The following THSD7B variants were observed in gnomAD, a reference collection of about 807,000 sequenced individuals.
The protein encoded by THSD7B is thrombospondin type-1 domain-containing protein 7B.
In THSD7B, 138 loss-of-function variants were observed where a neutral mutation model predicts 213.6. The observed-to-expected ratio is 0.65, with a 90% CI of 0.56 to 0.74. The LOEUF (loss-of-function observed/expected upper bound fraction) is 0.74. Among genes scored for constraint, THSD7B ranks in the 30% least tolerant of loss-of-function variants. The pLI, the probability that THSD7B is intolerant of heterozygous loss-of-function variation, is 0.00. For synonymous variants in THSD7B, 742 were observed against 687.0 expected (o/e 1.08, Z -1.25); for missense variants, 1,931 against 1,991.5 (o/e 0.97, Z 0.58).
chr2:137,066,338 TG>T (rs1244673812), intron 3 of THSD7B, among the ~76,000 whole-genome samples: 2 of 151,836 alleles, frequency 1.3e-5, no homozygotes, highest in African/African-American at 4.8e-5. Flanking sequence ...ACTATAGTCA[TG>T]TGCCACCACG....
chr2:136,798,333 G>A (rs1282730767), intron 1 of THSD7B, among the ~76,000 whole-genome samples: 1 of 151,852 alleles, frequency 6.6e-6, no homozygotes, highest in Non-Finnish European at 1.5e-5. Context: ...ACAATTCCTT[G>A]AAAACTTTGT....
chr2:137,290,428 G>C (rs752710979), intron 12 of THSD7B, among the ~76,000 whole-genome samples: 1 of 152,060 alleles, frequency 6.6e-6, no homozygotes, highest in Non-Finnish European at 1.5e-5. Flanking sequence ...CTCTACTCCT[G>C]TTTTGCAGTT....
At chr2:137,587,563 C>T (rs1355325496) in intron 17 of THSD7B, among the ~76,000 whole-genome samples, 1 of 152,200 alleles carries the variant, frequency 6.6e-6, no homozygotes, top group Non-Finnish European at 1.5e-5. Context: ...CATTCAGGAT[C>T]CTCAACTGCA....
intron 2 of THSD7B, among the ~76,000 whole-genome samples, chr2:136,893,706 G>A (rs1341979309): frequency 6.6e-6 from 1 of 152,028 alleles, no homozygotes; most frequent in East Asian, 1.9e-4. Flanking sequence ...TGTACCTTAT[G>A]GATTTACCCT....
intron 2 of THSD7B, among the ~76,000 whole-genome samples, chr2:137,047,001 C>T (rs1478118474): frequency 6.6e-6 from 1 of 152,088 alleles, no homozygotes; most frequent in Non-Finnish European, 1.5e-5. Flanking sequence ...AAATGATATA[C>T]AGATGACATG....
intron 15 of THSD7B, among the ~76,000 whole-genome samples, chr2:137,490,096 A>G (rs1688571947): frequency 6.6e-6 from 1 of 152,246 alleles, no homozygotes; most frequent in South Asian, 2.1e-4. Flanking sequence ...AGGGATGATG[A>G]TATAAACTGT....
chr2:137,071,198 G>T (rs900360821), intron 3 of THSD7B, among the ~76,000 whole-genome samples: 4 of 152,072 alleles, frequency 2.6e-5, no homozygotes, highest in Non-Finnish European at 5.9e-5. Context: ...AAGTATTCCT[G>T]TTTCTCCACA....
intron 2 of THSD7B, among the ~76,000 whole-genome samples, chr2:136,912,797 G>A (rs930708612): frequency 6.6e-6 from 1 of 152,104 alleles, no homozygotes; most frequent in African/African-American, 2.4e-5. Context: ...TGATTCTGAG[G>A]CCTCCCCAGT....
chr2:137,582,045 G>A (rs1446391193), intron 17 of THSD7B, among the ~76,000 whole-genome samples: 1 of 151,930 alleles, frequency 6.6e-6, no homozygotes, highest in African/African-American at 2.4e-5. Context: ...GCAGGAGGTT[G>A]CAGTGAGCTA....
Position 137,655,538 on chromosome 2 carries a change from T to C in THSD7B, c.3983T>C (p.Leu1328Pro). 6.2e-7 allele frequency: 1 copy of C among 1,612,534 alleles called. No homozygotes were observed. The highest frequency in any genetic ancestry group is 1.3e-5 in the African/African-American group (1 of 75,008). The part of the protein sequence containing the change: ...DCGEGVQIRS[L>P]SCMVHSGSIS... ...GGGGAAGGAGTTCAGATCCGCAGCCTTTCCTGCATGGTCCACAGTGGTTCA... is the reference window on the plus strand; with the variant it reads ...GGGGAAGGAGTTCAGATCCGCAGCCCTTCCTGCATGGTCCACAGTGGTTCA... The change falls in exon 22 of 28, where the codon CTT (leucine) becomes CCT (proline). Residue 1328 changes from leucine to proline, a missense_variant. Transcript: ENST00000409968.
chr2:137,664,160 A>G (rs1292172585), intron 26 of THSD7B, among the ~76,000 whole-genome samples: 3 of 152,160 alleles, frequency 2.0e-5, no homozygotes, highest in African/African-American at 4.8e-5. Flanking sequence ...GCCTGAAAAT[A>G]TCTTTCAATC....
At chr2:137,437,922 T>G (rs1258388141) in intron 14 of THSD7B, among the ~76,000 whole-genome samples, 1 of 152,158 alleles carries the variant, frequency 6.6e-6, no homozygotes. Context: ...GGTTTTGGCC[T>G]TGAGGAGAAA....
chr2:137,329,121 G>A (rs534533962), intron 12 of THSD7B, among the ~76,000 whole-genome samples: 124 of 152,276 alleles, frequency 8.1e-4, no homozygotes, highest in African/African-American at 3.0e-3. Context: ...AAGAAGAGAG[G>A]AAGATGTGGG....
chr2:137,343,568 C>A (rs909846088), intron 12 of THSD7B, among the ~76,000 whole-genome samples: 7 of 151,674 alleles, frequency 4.6e-5, no homozygotes, highest in African/African-American at 1.7e-4. Context: ...ATGACTCTTG[C>A]TGTGCATGAC....
chr2:137,356,716 G>A (rs765960284), intron 12 of THSD7B, among the ~76,000 whole-genome samples: 1 of 152,084 alleles, frequency 6.6e-6, no homozygotes, highest in African/African-American at 2.4e-5. Flanking sequence ...TGGAAGAGAC[G>A]CCAGCTTCTC....
chr2:137,479,515 T>A (rs1213334674), intron 15 of THSD7B: 1 of 405,576 alleles, frequency 2.5e-6, no homozygotes, highest in African/African-American at 2.1e-5. Flanking sequence ...GAAAGTGGGG[T>A]TCCTTTCGCT....
At chr2:137,658,408 C>G (rs1240934638) in intron 24 of THSD7B, among the ~76,000 whole-genome samples, 3 of 152,296 alleles carry the variant, frequency 2.0e-5, no homozygotes, top group Admixed American at 6.5e-5. Flanking sequence ...TGAAGAAGCT[C>G]AGGTCATCAG....
chr2:136,809,074 A>G (rs1014812912), intron 1 of THSD7B, among the ~76,000 whole-genome samples: 13 of 152,238 alleles, frequency 8.5e-5, no homozygotes, highest in Admixed American at 6.5e-5. Context: ...TTGCAGTTAT[A>G]GAGCTTTTAT....
chr2:137,669,321 C>T (rs1007377885), intron 27 of THSD7B, among the ~76,000 whole-genome samples: 3 of 150,894 alleles, frequency 2.0e-5, no homozygotes, highest in African/African-American at 7.4e-5. Context: ...TTAATTCTTT[C>T]TGCCACCTAC....
Sources: allele counts gnomAD v4.1 joint callset (sites outside exome capture counted in the v4.1 genomes callset), GRCh38; gene constraint gnomAD v4.1.1; transcripts MANE v1.5; gene names NCBI Gene and HGNC (gene_info 2026-07-23, HGNC 2026-07-21).